SHC4: variants seen among roughly 807,000 people sequenced by gnomAD.
The protein encoded by SHC4 is SHC adaptor protein 4.
In SHC4, 41 loss-of-function variants were observed where a neutral mutation model predicts 69.4. The observed-to-expected ratio is 0.59, with a 90% confidence interval of 0.46 to 0.77. The LOEUF is 0.77. Among genes scored for constraint, SHC4 ranks in the 30% least tolerant of loss-of-function variants. The pLI, the probability that SHC4 is intolerant of heterozygous loss-of-function variation, is 0.00. For missense variants in SHC4, 777 were observed against 783.8 expected (o/e 0.99, Z 0.10); for synonymous variants, 318 against 299.3 (o/e 1.06, Z -0.64).
intron 5 of SHC4, among the ~76,000 whole-genome samples, chr15:48,870,544 G>A (rs1899649715): frequency 6.6e-6 from 1 of 152,120 alleles, no homozygotes; most frequent in Admixed American, 6.6e-5. Flanking sequence ...AAGCTTAAAG[G>A]GGAAACTGGA....
chr15:48,852,627 C>T (rs1346835541), intron 8 of SHC4, among the ~76,000 whole-genome samples: 1 of 152,112 alleles, frequency 6.6e-6, no homozygotes, highest in Non-Finnish European at 1.5e-5. Flanking sequence ...TAGGGCCAGG[C>T]GTGACGGCTC....
chr15:48,930,283 T>C (rs992752430), intron 1 of SHC4, among the ~76,000 whole-genome samples: 2 of 152,218 alleles, frequency 1.3e-5, no homozygotes, highest in African/African-American at 4.8e-5. Context: ...TAAGTAGTAG[T>C]ATTAGTTTAG....
At chr15:48,895,431 C>T (rs116402829) in intron 2 of SHC4, among the ~76,000 whole-genome samples, 2,045 of 152,174 alleles carry the variant, frequency 0.013, 50 homozygotes, top group South Asian at 0.04. Context: ...TGTTCACTCC[C>T]CTAACATAGT....
intron 11 of SHC4, among the ~76,000 whole-genome samples, chr15:48,828,254 C>T (rs1339585952): frequency 6.6e-6 from 1 of 152,118 alleles, no homozygotes; most frequent in Non-Finnish European, 1.5e-5. Context: ...ACTTTTTCAT[C>T]TTGCATGACT....
At chr15:48,835,305 C>G (rs1045033390) in intron 10 of SHC4, among the ~76,000 whole-genome samples, 1 of 152,124 alleles carries the variant, frequency 6.6e-6, no homozygotes, top group Admixed American at 6.5e-5. Flanking sequence ...CCCATGAGAA[C>G]AGCTTTTATA....
intron 2 of SHC4, among the ~76,000 whole-genome samples, chr15:48,909,599 G>C (rs1900471204): frequency 6.6e-6 from 1 of 152,154 alleles, no homozygotes; most frequent in African/African-American, 2.4e-5. Flanking sequence ...ATGTTGAAGA[G>C]GAATGGTGAG....
intron 2 of SHC4, among the ~76,000 whole-genome samples, chr15:48,898,587 T>A (rs534941045): frequency 1.1e-4 from 17 of 152,382 alleles, no homozygotes; most frequent in African/African-American, 4.1e-4. Context: ...AATGGGTTTG[T>A]CTGTCTACTT....
At chr15:48,911,557 T>C (rs1900509043) in intron 2 of SHC4, among the ~76,000 whole-genome samples, 2 of 152,220 alleles carry the variant, frequency 1.3e-5, no homozygotes. Flanking sequence ...TTAGGCCATT[T>C]ACATTCAATG....
chr15:48,837,481 A>G (rs1898920157), intron 10 of SHC4, among the ~76,000 whole-genome samples: 1 of 152,220 alleles, frequency 6.6e-6, no homozygotes. Context: ...GTGGTACATT[A>G]TCTATTATCT....
chr15:48,924,755 A>G (rs1357827950), intron 2 of SHC4, 124 bp downstream of exon 2: 1 of 968,396 alleles, frequency 1.0e-6, no homozygotes, highest in East Asian at 2.5e-5. Context: ...CGAGCCTTCT[A>G]CACTCCAGTC....
At chr15:48,918,684 T>A (rs895908294) in intron 2 of SHC4, among the ~76,000 whole-genome samples, 4 of 152,164 alleles carry the variant, frequency 2.6e-5, no homozygotes, top group Admixed American at 2.6e-4. Context: ...CTTTCAGCAA[T>A]ATTTGAGCTC....
At chr15:48,917,255 G>GTGTGTGTGTGTGTGTT (rs1900642047) in intron 2 of SHC4, among the ~76,000 whole-genome samples, 6 of 132,598 alleles carry the variant, frequency 4.5e-5, no homozygotes, top group African/African-American at 2.5e-4. Flanking sequence ...GTGTGTGTGT[G>GTGTGTGTGTGTGTGTT]TGTGTGTGTG....
intron 1 of SHC4, among the ~76,000 whole-genome samples, chr15:48,944,043 T>C (rs922320412): frequency 4.6e-5 from 7 of 151,820 alleles, no homozygotes; most frequent in Non-Finnish European, 1.0e-4. Flanking sequence ...CGAGCACCTT[T>C]TTATATAGCT....
intron 4 of SHC4, chr15:48,878,176 A>G (rs370180032): frequency 4.5e-6 from 7 of 1,549,380 alleles, no homozygotes; most frequent in African/African-American, 2.7e-5. Context: ...CGGTTTGCAC[A>G]ATGTCGGAAA....
At chr15:48,831,093 T>C (rs1040288933) in intron 11 of SHC4, among the ~76,000 whole-genome samples, 2 of 152,078 alleles carry the variant, frequency 1.3e-5, no homozygotes, top group Non-Finnish European at 2.9e-5. Context: ...GGAAAAACCA[T>C]ATAGAATAAG....
At chr15:48,877,597 C>T in intron 4 of SHC4, 1 of 983,474 alleles carries the variant, frequency 1.0e-6, no homozygotes, top group Admixed American at 6.2e-5. Flanking sequence ...AGATACCTCC[C>T]AGGCGAAAAG....
chr15:48,909,579 T>A (rs561147459), intron 2 of SHC4, among the ~76,000 whole-genome samples: 12 of 152,196 alleles, frequency 7.9e-5, no homozygotes, highest in Non-Finnish European at 1.6e-4. Context: ...CGGCTAGGAC[T>A]TCCACTACTA....
At chr15:48,961,458 G>T (rs1901545316) in intron 1 of SHC4, among the ~76,000 whole-genome samples, 1 of 151,894 alleles carries the variant, frequency 6.6e-6, no homozygotes, top group South Asian at 2.1e-4. Context: ...CCTCCATAAG[G>T]CCCAGCCTGT....
At chr15:48,927,383 G>A (rs966024695) in intron 1 of SHC4, among the ~76,000 whole-genome samples, 1 of 152,040 alleles carries the variant, frequency 6.6e-6, no homozygotes. Context: ...TGAGGAGGTG[G>A]GTATCATCTT....
Sources: allele counts gnomAD v4.1 joint callset (sites outside exome capture counted in the v4.1 genomes callset), GRCh38; gene constraint gnomAD v4.1.1; transcripts MANE v1.5; gene names NCBI Gene and HGNC (gene_info 2026-07-23, HGNC 2026-07-21).